EML1: variants seen among roughly 807,000 people sequenced by gnomAD.
EML1 encodes the protein echinoderm microtubule-associated protein-like 1.
In EML1, 27 loss-of-function variants were observed where a neutral mutation model predicts 110.4. That is an observed-to-expected ratio of 0.24 (90% CI 0.18 to 0.34). The LOEUF (loss-of-function observed/expected upper bound fraction) is 0.34. Ranked by LOEUF, EML1 falls within the 10% of genes least tolerant of loss-of-function variation. EML1 has a pLI of 1.00. For synonymous variants in EML1, 344 were observed against 385.8 expected (o/e 0.89, Z 1.27); for missense variants, 741 against 1,030.9 (o/e 0.72, Z 3.85).
chr14:99,807,848 TG>T (rs777924762), intron 1 of EML1, among the ~76,000 whole-genome samples: 1 of 152,300 alleles, frequency 6.6e-6, no homozygotes. Flanking sequence ...TGGTTACAGC[TG>T]GGTTGACTTA....
At chr14:99,879,654 T>C (rs1429117238) in intron 4 of EML1, among the ~76,000 whole-genome samples, 1 of 152,246 alleles carries the variant, frequency 6.6e-6, no homozygotes, top group African/African-American at 2.4e-5. Context: ...CCACGGTCTA[T>C]TAACAATTTA....
chr14:99,831,417 G>A (rs911593588), intron 1 of EML1, among the ~76,000 whole-genome samples: 8 of 152,200 alleles, frequency 5.3e-5, no homozygotes, highest in African/African-American at 7.2e-5. Flanking sequence ...TCCCCCCATC[G>A]TTGGGCCCAC....
At chr14:99,741,171 T>G (rs1003573625) in intron 1 of EML1, among the ~76,000 whole-genome samples, 1 of 152,154 alleles carries the variant, frequency 6.6e-6, no homozygotes, top group African/African-American at 2.4e-5. Flanking sequence ...AGATGGGCAT[T>G]TGCCCTGCTG....
intron 1 of EML1, among the ~76,000 whole-genome samples, chr14:99,787,830 T>C (rs77046654): frequency 0.076 from 11,515 of 152,136 alleles, 589 homozygotes; most frequent in African/African-American, 0.14. Flanking sequence ...CCCCTTCTTA[T>C]AAGGACACCA....
At position 99,891,995 on chromosome 14, in the gene EML1, C is replaced by T. The variant is rs190481883; in HGVS notation, c.547+768C>T. The T allele has an allele frequency of 9.0e-5, 20 of 221,574 alleles. No individual in the cohort carries two copies. The South Asian group carries it at 9.8e-4, about 11-fold the overall frequency. 13.7% of individuals were successfully genotyped at this position (221,574 alleles called of 1,614,324 possible). On this transcript the variant is annotated intron_variant, in intron 5 of 21. Coordinates refer to ENST00000262233, the MANE Select transcript of EML1 (RefSeq NM_004434.3). ...TAAGCTCGCAGGGCCACATTGTGAG[C>T]GCACTTGTCAGGATCCCTGAACCGT... is the stretch of plus-strand genomic sequence containing the variant.
At chr14:99,766,197 T>C (rs2057367608) in intron 1 of EML1, among the ~76,000 whole-genome samples, 1 of 149,504 alleles carries the variant, frequency 6.7e-6, no homozygotes, top group Admixed American at 6.6e-5. Context: ...ACTTTTACTT[T>C]TTTTTTTTTT....
At chr14:99,896,214 G>C (rs2059668913) in intron 6 of EML1, among the ~76,000 whole-genome samples, 1 of 151,988 alleles carries the variant, frequency 6.6e-6, no homozygotes, top group Non-Finnish European at 1.5e-5. Flanking sequence ...TTAATGCCAA[G>C]CCTGGAACAC....
At chr14:99,893,443 C>T (rs1365389175) in intron 5 of EML1, among the ~76,000 whole-genome samples, 1 of 152,120 alleles carries the variant, frequency 6.6e-6, no homozygotes, top group Non-Finnish European at 1.5e-5. Context: ...GGGATGATCG[C>T]GTTCATGACT....
At chr14:99,761,923 T>TTA (rs1431217455) in intron 1 of EML1, among the ~76,000 whole-genome samples, 1 of 27,150 alleles carries the variant, frequency 3.7e-5, no homozygotes, top group African/African-American at 9.2e-5. Context: ...AGACTCTGTC[T>TTA]CAAAAAAAAA....
chr14:99,793,446 C>T lies in EML1; in HGVS notation c.-31C>T, dbSNP rs940315104. On this transcript the variant is annotated 5_prime_UTR_variant, in exon 1 of 22. Coordinates refer to ENST00000262233, the MANE Select transcript of EML1 (RefSeq NM_004434.3). ...GTGAGCGGCGGCGGCGCGGCCGGGC[C>T]GGGGAGCGGGCGCGGCCCGGCGGCC... 6 of 1,036,988 alleles carry T rather than the reference C, an allele frequency of 5.8e-6. No individual in the cohort carries two copies. In the African/African-American group the frequency reaches 1.1e-4, roughly 18 times the overall value. The allele number at this position is 1,036,988 out of a possible 1,614,324, so 64.2% of individuals were successfully genotyped here.
At position 99,809,481 on chromosome 14, in the gene EML1, T is replaced by C. The variant is rs111949266; in HGVS notation, c.67+15938T>C. 1,679 of 356,222 alleles carry C rather than the reference T, an allele frequency of 4.7e-3. 19 individuals carry two copies. The highest frequency in any genetic ancestry group is 0.033 in the African/African-American group (1,554 of 46,896). 22.1% of individuals were successfully genotyped at this position (356,222 alleles called of 1,614,324 possible). On this transcript the variant is annotated intron_variant, in intron 1 of 21. Transcript: ENST00000262233. Reference sequence around the variant, plus strand: ...GGCTGAAGTAAGGGATGAGACAGCATGCCCAGAAGCTGTGTCCAGCACTTG... The same window carrying C: ...GGCTGAAGTAAGGGATGAGACAGCACGCCCAGAAGCTGTGTCCAGCACTTG...
chr14:99,789,741 ACTTTC>A (rs1378760986), upstream of EML1, among the ~76,000 whole-genome samples: 1 of 152,188 alleles, frequency 6.6e-6, no homozygotes, highest in African/African-American at 2.4e-5. Context: ...CAGAGCTTTC[ACTTTC>A]CTTTCTCTTT....
At chr14:99,774,088 C>G (rs1351713059) in intron 1 of EML1, 2 of 152,432 alleles carry the variant, frequency 1.3e-5, no homozygotes, top group South Asian at 2.1e-4. Flanking sequence ...GGGCGGGGGG[C>G]CTCTGAACCA....
intron 1 of EML1, among the ~76,000 whole-genome samples, chr14:99,816,010 T>C (rs571855549): frequency 4.6e-5 from 7 of 152,298 alleles, no homozygotes; most frequent in African/African-American, 1.7e-4. Flanking sequence ...TGTTTGCACA[T>C]TGTTTTACTT....
At chr14:99,877,646 G>A (rs1471087978) in intron 3 of EML1, among the ~76,000 whole-genome samples, 1 of 152,164 alleles carries the variant, frequency 6.6e-6, no homozygotes, top group African/African-American at 2.4e-5. Context: ...TCCAAACAAA[G>A]GCATTGTACA....
chr14:99,939,975 C>A lies in EML1; in HGVS notation c.2323-12C>A. 18 of 1,554,410 alleles carry A rather than the reference C, an allele frequency of 1.2e-5. No homozygotes were observed. The highest frequency in any genetic ancestry group is 1.6e-5 in the Non-Finnish European group (18 of 1,150,020). The stretch of plus-strand genomic sequence containing the variant: ...TAGTAAAGGAAGCTTTCCCCCGTAT[C>A]ATTCCCTCCAGGCTCCAAGCCACAT... On this transcript the variant is annotated splice_polypyrimidine_tract_variant and intron_variant, in intron 21 of 21. Transcript: ENST00000262233. The surrounding 1 kb of genome is among the most constrained non-coding windows in gnomAD (Gnocchi z 4.2).
intron 1 of EML1, among the ~76,000 whole-genome samples, chr14:99,810,553 G>A (rs536971002): frequency 1.3e-5 from 2 of 152,202 alleles, no homozygotes; most frequent in Admixed American, 1.3e-4. Flanking sequence ...CCTGTTCTGC[G>A]GCTTTCATAG....
chr14:99,860,544 G>T (rs1033283057), intron 2 of EML1, among the ~76,000 whole-genome samples: 1 of 152,208 alleles, frequency 6.6e-6, no homozygotes, highest in Non-Finnish European at 1.5e-5. Context: ...TTTTCTTACC[G>T]CAGCGAGCTT....
chr14:99,873,901 G>A (rs1250398256), intron 3 of EML1, among the ~76,000 whole-genome samples: 3 of 152,238 alleles, frequency 2.0e-5, no homozygotes, highest in African/African-American at 4.8e-5. Flanking sequence ...GATGGTTGAT[G>A]CCTAGTAAGT....
Sources: allele counts gnomAD v4.1 joint callset (sites outside exome capture counted in the v4.1 genomes callset), GRCh38; gene constraint gnomAD v4.1.1; non-coding constraint Gnocchi (gnomAD v3.1); transcripts MANE v1.5; gene names NCBI Gene and HGNC (gene_info 2026-07-23, HGNC 2026-07-21).